Variants in RAPGEF5 observed in about 807,000 individuals in gnomAD.
The protein encoded by RAPGEF5 is Rap guanine nucleotide exchange factor 5, also known as M-Ras-regulated GEF.
RAPGEF5 carries 65 observed loss-of-function variants against 125.2 expected under a neutral mutation model. The observed-to-expected ratio is 0.52, with a 90% CI of 0.43 to 0.64. The LOEUF (loss-of-function observed/expected upper bound fraction) is 0.64, where lower values mean the gene tolerates loss of function less well. Among genes scored for constraint, RAPGEF5 ranks in the 30% least tolerant of loss-of-function variants. The probability of loss-of-function intolerance (pLI) is 0.00; values close to 1 mark genes in which losing one functional copy is unlikely to be tolerated. For synonymous variants in RAPGEF5, 391 were observed against 385.9 expected (o/e 1.01, Z -0.16); for missense variants, 958 against 1,048.1 (o/e 0.91, Z 1.19).
chr7:22,271,480 C>G (rs1782425304), intron 6 of RAPGEF5, among the ~76,000 whole-genome samples: 1 of 152,142 alleles, frequency 6.6e-6, no homozygotes, highest in Non-Finnish European at 1.5e-5. Context: ...AAATAAGATT[C>G]ACTTACTATA....
At chr7:22,299,229 G>T (rs1185591708) in intron 5 of RAPGEF5, among the ~76,000 whole-genome samples, 1 of 151,526 alleles carries the variant, frequency 6.6e-6, no homozygotes, top group Non-Finnish European at 1.5e-5. Flanking sequence ...ATTCCTCTAA[G>T]TATTGCTTTA....
chr7:22,180,701 G>A (rs963785754), intron 11 of RAPGEF5, among the ~76,000 whole-genome samples: 5 of 152,086 alleles, frequency 3.3e-5, no homozygotes, highest in Admixed American at 2.0e-4. Context: ...TCAAGTACAC[G>A]ATCTGCAATA....
At chr7:22,252,546 C>A (rs1436477148) in intron 7 of RAPGEF5, among the ~76,000 whole-genome samples, 1 of 152,116 alleles carries the variant, frequency 6.6e-6, no homozygotes, top group East Asian at 1.9e-4. Flanking sequence ...AATCATCTTG[C>A]CTTGCTTTCT....
At chr7:22,209,242 A>ACC (rs1785458347) in intron 9 of RAPGEF5, among the ~76,000 whole-genome samples, 1 of 152,236 alleles carries the variant, frequency 6.6e-6, no homozygotes, top group Non-Finnish European at 1.5e-5. Flanking sequence ...TCAGAATAAA[A>ACC]TTGGCTCTCT....
intron 3 of RAPGEF5, among the ~76,000 whole-genome samples, chr7:22,310,372 G>C (rs183735030): frequency 1.8e-3 from 269 of 152,218 alleles, no homozygotes; most frequent in African/African-American, 6.2e-3. Flanking sequence ...TATCCCACTA[G>C]AGAATAATTT....
rs1562696898 is a variant in RAPGEF5 at position 22,121,310 on chromosome 7, A to C, written c.*1096T>G. The C allele has an allele frequency of 6.6e-6, 1 of 151,934 alleles. No homozygotes were observed. Among genetic ancestry groups the C allele is most frequent in the Admixed American group, 6.6e-5 (1 of 15,254 alleles). 9.4% of individuals were successfully genotyped at this position (151,934 alleles called of 1,614,324 possible). The stretch of plus-strand genomic sequence containing the variant: ...ATTATAGGACTTCTAAGTTGCCAAC[A>C]TTAATCAGACATTTGGCTATTTCAG... On this transcript the variant is annotated 3_prime_UTR_variant, in exon 26 of 26. Transcript: ENST00000665637.
At chr7:22,338,367 T>C (rs1784063574) in intron 1 of RAPGEF5, among the ~76,000 whole-genome samples, 1 of 152,218 alleles carries the variant, frequency 6.6e-6, no homozygotes, top group African/African-American at 2.4e-5. Flanking sequence ...AGGTAGATTC[T>C]ATATCTTTGC....
chr7:22,302,782 CT>C (rs1217875974), intron 5 of RAPGEF5, among the ~76,000 whole-genome samples: 406 of 136,182 alleles, frequency 3.0e-3, no homozygotes, highest in African/African-American at 9.3e-3. Context: ...CCACCCCCGC[CT>C]TTTTTTTTTT....
chr7:22,265,371 G>C (rs1214870674), intron 7 of RAPGEF5, among the ~76,000 whole-genome samples: 6 of 152,080 alleles, frequency 3.9e-5, no homozygotes, highest in Admixed American at 1.3e-4. Flanking sequence ...GTCTTTCTGT[G>C]CCTAGCTTAT....
intron 18 of RAPGEF5, 129 bp downstream of exon 18, chr7:22,150,278 T>A: frequency 1.1e-6 from 1 of 890,546 alleles, no homozygotes. Flanking sequence ...GGTTGCAAAC[T>A]TCTAAGCTGG....
intron 1 of RAPGEF5, among the ~76,000 whole-genome samples, chr7:22,350,701 G>A (rs1784314966): frequency 6.6e-6 from 1 of 152,184 alleles, no homozygotes; most frequent in Admixed American, 6.5e-5. Flanking sequence ...GGAGGGAAAG[G>A]AAGAAATAAG....
At chr7:22,175,950 G>T (rs1033404158) in intron 11 of RAPGEF5, among the ~76,000 whole-genome samples, 1 of 151,974 alleles carries the variant, frequency 6.6e-6, no homozygotes, top group African/African-American at 2.4e-5. Flanking sequence ...AAATAACATT[G>T]TATTTACTTT....
rs1562734008 is a variant in RAPGEF5, at chr7:22,167,168, A to G, written c.1205-20T>C. On this transcript the variant is annotated intron_variant, in intron 11 of 25. Coordinates refer to ENST00000665637, the MANE Select transcript of RAPGEF5 (RefSeq NM_012294.5). Reference sequence around the variant, plus strand: ...GGGTCTCTGCAAAGAAAAAAAAAACAAACACAAGGTAAGCAAAGAGGTGGA... The same window carrying G: ...GGGTCTCTGCAAAGAAAAAAAAAACGAACACAAGGTAAGCAAAGAGGTGGA... 1 of 1,575,480 alleles carries G rather than the reference A, an allele frequency of 6.3e-7. No homozygotes were observed. The highest frequency in any genetic ancestry group is 8.7e-7 in the Non-Finnish European group (1 of 1,147,338).
intron 7 of RAPGEF5, among the ~76,000 whole-genome samples, chr7:22,259,461 TTTAACATACTC>T (rs1782092215): frequency 6.6e-6 from 1 of 152,206 alleles, no homozygotes; most frequent in Non-Finnish European, 1.5e-5. Flanking sequence ...TCTAATAAAA[TTTAACATACTC>T]TTAACACATG....
intron 6 of RAPGEF5, among the ~76,000 whole-genome samples, chr7:22,269,006 T>C (rs1235486618): frequency 1.3e-5 from 2 of 151,950 alleles, no homozygotes; most frequent in Non-Finnish European, 2.9e-5. Context: ...CATGAAGAAC[T>C]TCACAGTTCA....
intron 5 of RAPGEF5, among the ~76,000 whole-genome samples, chr7:22,297,531 A>G (rs974072135): frequency 6.6e-6 from 1 of 152,228 alleles, no homozygotes; most frequent in African/African-American, 2.4e-5. Context: ...GACCCACTCA[A>G]GATTAAAGGC....
chr7:22,327,959 T>C (rs1207311796), intron 1 of RAPGEF5, among the ~76,000 whole-genome samples: 5 of 152,232 alleles, frequency 3.3e-5, no homozygotes, highest in African/African-American at 9.6e-5. Flanking sequence ...ACCTGCTATG[T>C]AACAAGTGCT....
At chr7:22,123,805 G>A (rs1268568177) in intron 25 of RAPGEF5, among the ~76,000 whole-genome samples, 1 of 152,198 alleles carries the variant, frequency 6.6e-6, no homozygotes, top group South Asian at 2.1e-4. Context: ...ATAACACGAT[G>A]CTACAAAGGT....
chr7:22,312,183 G>A (rs1307927683), intron 3 of RAPGEF5, among the ~76,000 whole-genome samples: 1 of 151,992 alleles, frequency 6.6e-6, no homozygotes, highest in Non-Finnish European at 1.5e-5. Flanking sequence ...GATGCGGTAA[G>A]ACTGGGTGGG....
Sources: gnomAD v4.1 joint callset for allele counts (sites outside exome capture counted in the v4.1 genomes callset) on GRCh38, gnomAD v4.1.1 for gene constraint, MANE v1.5 for transcripts, NCBI Gene and HGNC (gene_info 2026-07-23, HGNC 2026-07-21) for gene names.